PDE4D: variants seen among roughly 807,000 people sequenced by gnomAD.
PDE4D encodes the protein 3',5'-cyclic-AMP phosphodiesterase 4D.
In PDE4D, 24 loss-of-function variants were observed where a neutral mutation model predicts 87.4. The observed-to-expected ratio is 0.27, with a 90% confidence interval of 0.20 to 0.39. The LOEUF (loss-of-function observed/expected upper bound fraction) is 0.39. Among genes scored for constraint, PDE4D ranks in the 10% least tolerant of loss-of-function variants. PDE4D has a pLI of 1.00. For missense variants in PDE4D, 714 were observed against 1,041.0 expected, an observed-to-expected ratio of 0.69 and a Z score of 4.32; for synonymous variants, 384 against 383.2, an observed-to-expected ratio of 1.00 and a Z score of -0.02.
chr5:59,418,300 C>T (rs1241062516), intron 1 of PDE4D, among the ~76,000 whole-genome samples: 1 of 152,188 alleles, frequency 6.6e-6, no homozygotes, highest in African/African-American at 2.4e-5. Context: ...GTTTTATCTC[C>T]TATCTACATG....
chr5:59,182,852 G>A (rs1232660877), intron 4 of PDE4D, among the ~76,000 whole-genome samples: 1 of 152,192 alleles, frequency 6.6e-6, no homozygotes, highest in Non-Finnish European at 1.5e-5. Flanking sequence ...AACCCAAGGT[G>A]ACAAGAAGCA....
In PDE4D at chr5:60,261,185, T is replaced by C. The variant is rs573557686; in HGVS notation, c.-89-75498A>G. ...AATTACAGCTAAAATATGGTTTAGA[T>C]TACATGTGCATTGTTCCATACCATT... On this transcript the variant is annotated intron_variant, in intron 1 of 16. Transcript: ENST00000502484. Among the ~76,000 whole-genome samples the C allele has an allele frequency of 3.9e-5, 6 of 152,270 alleles. No homozygotes were observed. The South Asian group carries it at 1.2e-3, about 32-fold the overall frequency.
At chr5:59,277,813 C>T (rs1765107115) in intron 1 of PDE4D, among the ~76,000 whole-genome samples, 1 of 152,186 alleles carries the variant, frequency 6.6e-6, no homozygotes, top group South Asian at 2.1e-4. Context: ...TAGTGCAGCC[C>T]CATGTGCTGT....
At chr5:59,873,437 T>A (rs911426574) in intron 1 of PDE4D, among the ~76,000 whole-genome samples, 1 of 152,172 alleles carries the variant, frequency 6.6e-6, no homozygotes, top group Non-Finnish European at 1.5e-5. Flanking sequence ...GGAGTGGGAT[T>A]TGCCACTCCA....
chr5:59,771,627 A>C (rs776712322), intron 1 of PDE4D, among the ~76,000 whole-genome samples: 2 of 152,206 alleles, frequency 1.3e-5, no homozygotes, highest in Admixed American at 6.5e-5. Context: ...TCTTGCTTTT[A>C]GCCACCTTGT....
At chr5:59,703,586 C>T (rs780203170) in intron 1 of PDE4D, 7 of 534,044 alleles carry the variant, frequency 1.3e-5, no homozygotes, top group Non-Finnish European at 2.3e-5. Context: ...TTTCTTTGTC[C>T]CCAGCCGACT....
intron 1 of PDE4D, among the ~76,000 whole-genome samples, chr5:59,799,286 G>A (rs1766850837): frequency 6.6e-6 from 1 of 152,138 alleles, no homozygotes; most frequent in African/African-American, 2.4e-5. Flanking sequence ...GAGAATGACT[G>A]GAGTGGATTT....
intron 1 of PDE4D, among the ~76,000 whole-genome samples, chr5:59,280,664 T>C (rs889158386): frequency 6.6e-6 from 1 of 152,110 alleles, no homozygotes; most frequent in Non-Finnish European, 1.5e-5. Flanking sequence ...CAAAGAGCAA[T>C]GAGTGTAATA....
At chr5:59,570,031 C>T (rs295936) in intron 1 of PDE4D, among the ~76,000 whole-genome samples, 148,558 of 152,352 alleles carry the variant, frequency 0.98, 72,469 homozygotes, top group East Asian at 1. Flanking sequence ...CTGTGATTAC[C>T]GTGAATGAGG....
chr5:59,051,716 T>A (rs986314907), intron 5 of PDE4D, among the ~76,000 whole-genome samples: 4 of 152,254 alleles, frequency 2.6e-5, no homozygotes, highest in African/African-American at 9.6e-5. Flanking sequence ...TGTTTGATTT[T>A]AGAATGCATT....
At position 59,649,456 on chromosome 5, in the gene PDE4D, T is replaced by A. The variant is rs191587845; in HGVS notation, c.455+243712A>T. Among the ~76,000 whole-genome samples, 570 of 151,988 alleles carry A rather than the reference T, an allele frequency of 3.8e-3. 1 individual carries two copies. The highest frequency in any genetic ancestry group is 6.3e-3 in the Non-Finnish European group (430 of 67,976). On this transcript the variant is annotated intron_variant, in intron 1 of 14. Coordinates refer to ENST00000340635, the MANE Select transcript of PDE4D (RefSeq NM_001104631.2). ...TCAAGATAAGGATAAGTAATTGAAA[T>A]TGGTTAGGAAAGCAACAGGGAGCCA...
intron 3 of PDE4D, among the ~76,000 whole-genome samples, chr5:59,980,104 T>C (rs1200687936): frequency 6.6e-6 from 1 of 152,204 alleles, no homozygotes; most frequent in Non-Finnish European, 1.5e-5. Context: ...TACAATTTGG[T>C]CAGAATATTT....
At chr5:59,601,314 T>C (rs1231131985) in intron 1 of PDE4D, among the ~76,000 whole-genome samples, 1 of 152,124 alleles carries the variant, frequency 6.6e-6, no homozygotes, top group Non-Finnish European at 1.5e-5. Flanking sequence ...TGTTTTTATA[T>C]AAACAGGTCA....
intron 5 of PDE4D, among the ~76,000 whole-genome samples, chr5:59,163,107 CTTTT>C (rs534025246): frequency 7.7e-6 from 1 of 129,836 alleles, no homozygotes; most frequent in African/African-American, 2.9e-5. Flanking sequence ...TGCCTGGCTA[CTTTT>C]TTTTTTTTTT....
At chr5:58,982,055 C>T (rs938559276) in intron 11 of PDE4D, among the ~76,000 whole-genome samples, 1 of 152,128 alleles carries the variant, frequency 6.6e-6, no homozygotes, top group African/African-American at 2.4e-5. Context: ...GTTGTGTCTC[C>T]TGATAGAAGC....
chr5:59,660,826 A>G (rs1745127677), intron 1 of PDE4D, among the ~76,000 whole-genome samples: 1 of 152,148 alleles, frequency 6.6e-6, no homozygotes. Context: ...GCTCAAAGCA[A>G]GTTATCACCA....
At chr5:60,496,771 G>A (rs1264073622) in intron 1 of PDE4D, among the ~76,000 whole-genome samples, 1 of 152,174 alleles carries the variant, frequency 6.6e-6, no homozygotes, top group Non-Finnish European at 1.5e-5. Flanking sequence ...AGAGGAAACA[G>A]TTAAATAGCA....
At chr5:59,128,862 G>A (rs753850942) in intron 5 of PDE4D, among the ~76,000 whole-genome samples, 1 of 152,176 alleles carries the variant, frequency 6.6e-6, no homozygotes, top group African/African-American at 2.4e-5. Context: ...TGGAAGAACA[G>A]CAGCTTACAC....
chr5:59,764,196 T>C (rs1440507960), intron 1 of PDE4D, among the ~76,000 whole-genome samples: 2 of 152,122 alleles, frequency 1.3e-5, no homozygotes, highest in Non-Finnish European at 2.9e-5. Context: ...AGAGTAATCA[T>C]CTAGAAATTT....
Sources: gnomAD v4.1 joint callset for allele counts (sites outside exome capture counted in the v4.1 genomes callset) on GRCh38, gnomAD v4.1.1 for gene constraint, MANE v1.5 for transcripts, NCBI Gene and HGNC (gene_info 2026-07-23, HGNC 2026-07-21) for gene names.